Variants in ADAMTSL2 observed in about 807,000 individuals in gnomAD.
The protein encoded by ADAMTSL2 is ADAMTS like 2.
In ADAMTSL2, 55 loss-of-function variants were observed where a neutral mutation model predicts 117.0. The ratio of observed to expected loss-of-function variants is 0.47; its 90% CI spans 0.38 to 0.59. The LOEUF (loss-of-function observed/expected upper bound fraction) is 0.59. ADAMTSL2 is among the 20% of genes least tolerant of loss of function. The pLI, the probability that ADAMTSL2 is intolerant of heterozygous loss-of-function variation, is 0.00. For missense variants in ADAMTSL2, 1,182 were observed against 1,354.5 expected, an observed-to-expected ratio of 0.87 and a Z score of 2.00; for synonymous variants, 572 against 566.4, an observed-to-expected ratio of 1.01 and a Z score of -0.14.
At chr9:133,539,440 A>G (rs1830140810) in intron 4 of ADAMTSL2, among the ~76,000 whole-genome samples, 1 of 152,172 alleles carries the variant, frequency 6.6e-6, no homozygotes, top group African/African-American at 2.4e-5. Context: ...GACACGGGCG[A>G]GGGGAGCACC....
chr9:133,537,612 C>T (rs909190407), intron 3 of ADAMTSL2, 65 bp downstream of exon 3: 40 of 1,301,836 alleles, frequency 3.1e-5, no homozygotes, highest in Non-Finnish European at 3.5e-5. Flanking sequence ...CAGGAGAGGG[C>T]GGTTGGCTCT....
rs1308255699 is a variant in ADAMTSL2, at chr9:133,543,660, C to T, written c.683-810C>T. Among the ~76,000 whole-genome samples, 6 of 152,346 alleles carry T rather than the reference C, an allele frequency of 3.9e-5. No homozygotes were observed. In the South Asian group the frequency reaches 1.0e-3, roughly 26 times the overall value. On this transcript the variant is annotated intron_variant, in intron 7 of 18. Transcript: ENST00000651351. ...ACTCACCCCAGCAGGGAGATGCACG[C>T]GGAATCCTCCGTTCCCAGAGGGATC...
At chr9:133,540,157 G>T (rs1291233949) in intron 5 of ADAMTSL2, among the ~76,000 whole-genome samples, 1 of 152,188 alleles carries the variant, frequency 6.6e-6, no homozygotes, top group African/African-American at 2.4e-5. Flanking sequence ...TGGCTCCTGG[G>T]CACAGACAGG....
chr9:133,540,327 A>T (rs1399858413), intron 5 of ADAMTSL2, among the ~76,000 whole-genome samples: 3 of 152,234 alleles, frequency 2.0e-5, no homozygotes, highest in Non-Finnish European at 4.4e-5. Context: ...GAGTTGGCTC[A>T]GACCTCCTGC....
intron 9 of ADAMTSL2, 112 bp downstream of exon 9, chr9:133,547,325 G>A (rs1003388507): frequency 4.8e-5 from 52 of 1,089,418 alleles, no homozygotes; most frequent in African/African-American, 3.4e-4. Flanking sequence ...CACTGTGCGC[G>A]TGCACCCGGC....
intron 8 of ADAMTSL2, 128 bp downstream of exon 8, chr9:133,544,678 T>A (rs1325175147): frequency 3.5e-6 from 3 of 862,792 alleles, no homozygotes; most frequent in Non-Finnish European, 5.8e-6. Context: ...GCTGTGGGCA[T>A]GGCTGCAGGA....
upstream of ADAMTSL2, among the ~76,000 whole-genome samples, chr9:133,533,379 C>T (rs1012409845): frequency 6.6e-6 from 1 of 152,118 alleles, no homozygotes; most frequent in African/African-American, 2.4e-5. Flanking sequence ...CTTGCCTGCC[C>T]GAGGGTCCCG....
rs925905128 is a variant in ADAMTSL2, at chr9:133,555,702, T to G, written c.1421T>G (p.Leu474Arg). Residue 474 changes from leucine (L) to arginine (R), a missense_variant, in exon 11 of 19, where the codon CTC becomes CGC. By Grantham distance (102) the Leu-to-Arg change is moderately radical (BLOSUM62 -2). This residue lies in a region of ADAMTSL2 where 345 missense variants were observed against 325.8 expected (regional missense o/e 1.06). Transcript: ENST00000651351. ...GGCTCTGACTTGAAGGACTTCACCC[T>G]CAATGAGACTGTGAACAGCATCTTT... is the stretch of plus-strand genomic sequence containing the variant. The part of the protein sequence containing the change: ...GAGSDLKDFT[L>R]NETVNSIFAQ... 24 of 1,613,832 alleles carry G rather than the reference T, an allele frequency of 1.5e-5. No individual in the cohort carries two copies. The highest frequency in any genetic ancestry group is 1.9e-5 in the Non-Finnish European group (22 of 1,180,038).
chr9:133,555,401 C>T (rs1025007916), intron 10 of ADAMTSL2, among the ~76,000 whole-genome samples, 157 bp from the exon 11 acceptor site: 1 of 152,114 alleles, frequency 6.6e-6, no homozygotes, highest in African/African-American at 2.4e-5. Flanking sequence ...CCGTTTTGCC[C>T]GAATTACGTC....
intron 7 of ADAMTSL2, among the ~76,000 whole-genome samples, chr9:133,544,086 A>T (rs1238647559): frequency 6.6e-6 from 1 of 152,198 alleles, no homozygotes; most frequent in Non-Finnish European, 1.5e-5. Context: ...CAGGATTTTA[A>T]AATGGCAGTG....
intron 9 of ADAMTSL2, among the ~76,000 whole-genome samples, chr9:133,551,100 A>G (rs1306396971): frequency 6.6e-6 from 1 of 152,122 alleles, no homozygotes; most frequent in East Asian, 1.9e-4. Context: ...CCTGCCTCCC[A>G]TCACACCGAT....
At chr9:133,560,831 C>G (rs1305802271) in intron 11 of ADAMTSL2, among the ~76,000 whole-genome samples, 2 of 152,208 alleles carry the variant, frequency 1.3e-5, no homozygotes, top group African/African-American at 4.8e-5. Context: ...AAGGAACCCA[C>G]TAGCTGATGT....
intron 1 of ADAMTSL2, 100 bp downstream of exon 1, chr9:133,535,017 G>GGA: frequency 7.7e-7 from 1 of 1,299,152 alleles, no homozygotes; most frequent in Non-Finnish European, 9.8e-7. Flanking sequence ...GCGCCCTCTG[G>GGA]AGCCGTTACA....
chr9:133,547,348 C>T (rs959490689), intron 9 of ADAMTSL2, 135 bp downstream of exon 9: 2 of 810,318 alleles, frequency 2.5e-6, no homozygotes, highest in African/African-American at 3.4e-5. Context: ...CCTCACCACT[C>T]TGCGTGGGCT....
chr9:133,532,917 C>G (rs952534728), upstream of ADAMTSL2, among the ~76,000 whole-genome samples: 1 of 152,192 alleles, frequency 6.6e-6, no homozygotes, highest in African/African-American at 2.4e-5. Flanking sequence ...CAGCCTGTGC[C>G]GTCCTGCTGA....
chr9:133,537,088 C>T (rs1033613204), intron 2 of ADAMTSL2, among the ~76,000 whole-genome samples: 3 of 152,192 alleles, frequency 2.0e-5, no homozygotes, highest in African/African-American at 7.2e-5. Context: ...CTGTGTCCTG[C>T]AGAACGCAGT....
chr9:133,544,517 A>G lies in ADAMTSL2; in HGVS notation c.730A>G (p.Ile244Val), dbSNP rs746323259. ...HIPAGARDIQ[I>V]VERKKSADVL... ...CCCGGCTGGTGCCCGAGACATCCAG[A>G]TTGTAGAGAGGAAGAAGTCCGCTGA... Residue 244 changes from isoleucine to valine, a missense_variant, in exon 8 of 19, where the codon ATT becomes GTT. By Grantham distance (29) the Ile-to-Val change is conservative. Transcript: ENST00000651351. 6.2e-7 allele frequency: 1 copy of G among 1,614,084 alleles called. No individual in the cohort carries two copies. Among genetic ancestry groups the G allele is most frequent in the South Asian group, 1.1e-5 (1 of 91,056 alleles).
chr9:133,570,291 G>A (rs1831073564), intron 16 of ADAMTSL2, 40 bp from the exon 17 acceptor site: 1 of 1,535,452 alleles, frequency 6.5e-7, no homozygotes, highest in Non-Finnish European at 8.7e-7. Context: ...GGGTCCTGCT[G>A]GGCCCTGGCG....
At position 133,561,212 on chromosome 9, in the gene ADAMTSL2, C is replaced by T. The variant is rs1303412719; in HGVS notation, c.1664C>T (p.Ala555Val). Reference protein sequence around the residue: ...RTHKARTRPKARKQGVSPADM... With the variant: ...RTHKARTRPKVRKQGVSPADM... ...CTCGCTTTCAGGACCAGGCCCAAGGCGCGCAAGCAAGGCGTGAGTCCCGCG... is the reference window on the plus strand; with the variant it reads ...CTCGCTTTCAGGACCAGGCCCAAGGTGCGCAAGCAAGGCGTGAGTCCCGCG... Residue 555 changes from alanine (A) to valine (V), a missense_variant, in exon 12 of 19, where the codon GCG becomes GTG. Around this residue, in one of 3 missense-constraint regions of ADAMTSL2, gnomAD observed 345 missense variants for 325.8 expected, o/e 1.06. Coordinates refer to ENST00000651351, the MANE Select transcript of ADAMTSL2 (RefSeq NM_014694.4). 1.4e-5 allele frequency: 23 copies of T among 1,607,188 alleles called. No homozygotes were observed. Among genetic ancestry groups the T allele is most frequent in the South Asian group, 5.6e-5 (5 of 89,474 alleles).
Sources: gnomAD v4.1 joint callset for allele counts (sites outside exome capture counted in the v4.1 genomes callset) on GRCh38, gnomAD v4.1.1 for gene constraint, gnomAD v4.1.1 regional missense constraint, MANE v1.5 for transcripts, NCBI Gene and HGNC (gene_info 2026-07-23, HGNC 2026-07-21) for gene names.